The following ZNF804B variants were observed in gnomAD, a reference collection of about 807,000 sequenced individuals.
The protein encoded by ZNF804B is zinc finger 804B.
Under a neutral mutation model 101.4 loss-of-function variants are expected in ZNF804B, and 80 were observed. That is an observed-to-expected ratio of 0.79 (90% CI 0.66 to 0.95). The LOEUF (loss-of-function observed/expected upper bound fraction) is 0.95, where lower values mean the gene tolerates loss of function less well. Among genes scored for constraint, ZNF804B ranks in the 40% least tolerant of loss-of-function variants. ZNF804B has a pLI of 0.00. For synonymous variants in ZNF804B, 622 were observed against 558.8 expected (o/e 1.11, Z -1.59); for missense variants, 1,673 against 1,561.9 (o/e 1.07, Z -1.20).
intron 1 of ZNF804B, among the ~76,000 whole-genome samples, chr7:89,018,499 T>G (rs1231756644): frequency 6.6e-6 from 1 of 152,024 alleles, no homozygotes; most frequent in Non-Finnish European, 1.5e-5. Context: ...TATTATGTCC[T>G]TATTGGATTT....
intron 1 of ZNF804B, among the ~76,000 whole-genome samples, chr7:88,996,815 G>T (rs1440184540): frequency 6.6e-6 from 1 of 152,062 alleles, no homozygotes; most frequent in Non-Finnish European, 1.5e-5. Flanking sequence ...GAACAAACTT[G>T]ACCTAGTGAG....
At chr7:89,141,897 TA>T (rs1790723807) in intron 1 of ZNF804B, among the ~76,000 whole-genome samples, 1 of 150,274 alleles carries the variant, frequency 6.7e-6, no homozygotes, top group South Asian at 2.1e-4. Context: ...AAATATATAA[TA>T]ATAATAATAA....
intron 2 of ZNF804B, among the ~76,000 whole-genome samples, chr7:89,243,296 C>T (rs920367326): frequency 3.4e-5 from 3 of 88,030 alleles, no homozygotes; most frequent in East Asian, 2.5e-4. Flanking sequence ...TAAGAAAACA[C>T]GAGGATATAA....
chr7:89,062,228 CT>C (rs886290737), intron 1 of ZNF804B, among the ~76,000 whole-genome samples: 12 of 152,126 alleles, frequency 7.9e-5, no homozygotes, highest in African/African-American at 2.9e-4. Context: ...GATCTCCATT[CT>C]TTACAGAACA....
chr7:88,866,061 A>G (rs1274788752), intron 1 of ZNF804B, among the ~76,000 whole-genome samples: 3 of 152,204 alleles, frequency 2.0e-5, no homozygotes, highest in Non-Finnish European at 4.4e-5. Context: ...TAGTAAATAC[A>G]TGTTAGCTAA....
At chr7:89,266,148 ATTC>A (rs1448842751) in intron 2 of ZNF804B, among the ~76,000 whole-genome samples, 2 of 152,060 alleles carry the variant, frequency 1.3e-5, no homozygotes, top group Non-Finnish European at 2.9e-5. Flanking sequence ...GGCCATTTCC[ATTC>A]TTCTTCTGAG....
At chr7:89,276,803 T>C (rs1451898956) in intron 2 of ZNF804B, among the ~76,000 whole-genome samples, 3 of 151,868 alleles carry the variant, frequency 2.0e-5, no homozygotes, top group Non-Finnish European at 4.4e-5. Context: ...AACTTAATCA[T>C]ATATTTGTAC....
intron 1 of ZNF804B, among the ~76,000 whole-genome samples, chr7:89,110,307 G>A (rs991102616): frequency 1.3e-5 from 2 of 152,114 alleles, no homozygotes; most frequent in Non-Finnish European, 2.9e-5. Flanking sequence ...GCTGATGAGA[G>A]GTCCTCACAG....
At chr7:89,297,848 C>T (rs1790407777) in intron 2 of ZNF804B, among the ~76,000 whole-genome samples, 1 of 151,244 alleles carries the variant, frequency 6.6e-6, no homozygotes, top group African/African-American at 2.4e-5. Context: ...AGAGCAATTC[C>T]AAAGTTGGGA....
At chr7:88,775,676 T>C (rs1033265610) in intron 1 of ZNF804B, among the ~76,000 whole-genome samples, 2 of 152,204 alleles carry the variant, frequency 1.3e-5, no homozygotes, top group African/African-American at 2.4e-5. Context: ...TTCCTGTGTA[T>C]AGCTCTATAA....
chr7:89,335,034 G>A lies in ZNF804B; in HGVS notation c.2052G>A (p.Met684Ile), dbSNP rs1245066279. Residue 684 changes from methionine (M) to isoleucine (I), a missense_variant, in exon 4 of 4, where the codon ATG becomes ATA. Coordinates refer to ENST00000333190, the MANE Select transcript of ZNF804B (RefSeq NM_181646.5). ...SVILKSNHIS[M>I]TSKVSGCGNQ... The stretch of plus-strand genomic sequence containing the variant: ...TTTTGAAGAGTAACCACATCAGCAT[G>A]ACCAGCAAGGTTTCCGGATGTGGAA... The A allele has an allele frequency of 6.2e-7, 1 of 1,613,780 alleles. No individual in the cohort carries two copies. Among genetic ancestry groups the A allele is most frequent in the Non-Finnish European group, 8.5e-7 (1 of 1,179,924 alleles).
chr7:88,796,043 T>C (rs562715242), intron 1 of ZNF804B, among the ~76,000 whole-genome samples: 1 of 152,200 alleles, frequency 6.6e-6, no homozygotes. Flanking sequence ...GGAACACATA[T>C]CTGAATCTAT....
At chr7:89,228,524 T>G (rs562021831) in intron 2 of ZNF804B, among the ~76,000 whole-genome samples, 1 of 151,798 alleles carries the variant, frequency 6.6e-6, no homozygotes, top group African/African-American at 2.4e-5. Flanking sequence ...CCTACCAGAG[T>G]AGCTAGATAC....
At chr7:89,101,916 G>C (rs1451419134) in intron 1 of ZNF804B, among the ~76,000 whole-genome samples, 1 of 151,418 alleles carries the variant, frequency 6.6e-6, no homozygotes, top group East Asian at 1.9e-4. Flanking sequence ...TTATCTACAT[G>C]TGTGCCCTTT....
chr7:89,054,368 AAC>A (rs1789258983), intron 1 of ZNF804B, among the ~76,000 whole-genome samples: 1 of 150,124 alleles, frequency 6.7e-6, no homozygotes. Flanking sequence ...ATATGAATAA[AAC>A]ACTTTCTGGA....
At chr7:89,048,022 G>A (rs183700456) in intron 1 of ZNF804B, among the ~76,000 whole-genome samples, 1 of 151,830 alleles carries the variant, frequency 6.6e-6, no homozygotes, top group African/African-American at 2.4e-5. Context: ...AAGTTCTTTA[G>A]TGGTGATTTT....
chr7:89,185,210 G>A (rs1429804559), intron 1 of ZNF804B, among the ~76,000 whole-genome samples: 1 of 152,144 alleles, frequency 6.6e-6, no homozygotes, highest in Non-Finnish European at 1.5e-5. Context: ...AGAGAGTTTG[G>A]GACAAGGAGT....
intron 1 of ZNF804B, among the ~76,000 whole-genome samples, chr7:88,975,968 G>T (rs1793610229): frequency 6.6e-6 from 1 of 151,272 alleles, no homozygotes; most frequent in Admixed American, 6.6e-5. Flanking sequence ...TGAGAGATAG[G>T]GGTTCATTCT....
At chr7:88,970,061 C>A (rs375859274) in intron 1 of ZNF804B, among the ~76,000 whole-genome samples, 1 of 150,272 alleles carries the variant, frequency 6.7e-6, no homozygotes, top group East Asian at 2.0e-4. Flanking sequence ...TCCCTTTTCT[C>A]CTTCCTTTCC....
Sources: allele counts gnomAD v4.1 joint callset (sites outside exome capture counted in the v4.1 genomes callset), GRCh38; gene constraint gnomAD v4.1.1; transcripts MANE v1.5; gene names NCBI Gene and HGNC (gene_info 2026-07-23, HGNC 2026-07-21).